The following LAMA2 variants were observed in gnomAD, a reference collection of about 807,000 sequenced individuals.
LAMA2 encodes the protein laminin subunit alpha-2.
In LAMA2, 269 loss-of-function variants were observed where a neutral mutation model predicts 364.8. The ratio of observed to expected loss-of-function variants is 0.74; its 90% confidence interval spans 0.67 to 0.82. The LOEUF is 0.82. LAMA2 is among the 40% of genes least tolerant of loss of function. The probability of loss-of-function intolerance (pLI) is 0.00; values close to 1 mark genes in which losing one functional copy is unlikely to be tolerated. For synonymous variants in LAMA2, 1,379 were observed against 1,370.6 expected (o/e 1.01, Z -0.14); for missense variants, 3,807 against 3,873.2 (o/e 0.98, Z 0.45).
chr6:129,195,109 T>G (rs956138283), intron 12 of LAMA2, among the ~76,000 whole-genome samples: 2 of 152,216 alleles, frequency 1.3e-5, no homozygotes, highest in Admixed American at 6.5e-5. Context: ...TTTAGTGTTA[T>G]TTCCTAATTG....
At chr6:128,951,510 G>T (rs1780820214) in intron 1 of LAMA2, among the ~76,000 whole-genome samples, 2 of 152,100 alleles carry the variant, frequency 1.3e-5, no homozygotes, top group South Asian at 2.1e-4. Context: ...GCATAAGAAA[G>T]GGGTCATTTT....
In LAMA2 at chr6:129,391,576, A is replaced by G. The variant is rs1779323485; in HGVS notation, c.5157A>G (p.Lys1719=). ...AFERNLEGLQ[K]EIDQMIKELR... ...AGAGAAATTTGGAAGGGCTTCAGAAAGAGATTGACCAGATGATTAAAGAAC... is the reference window on the plus strand; with the variant it reads ...AGAGAAATTTGGAAGGGCTTCAGAAGGAGATTGACCAGATGATTAAAGAAC... Residue 1719 remains lysine (K), a synonymous_variant, in exon 36 of 65, where the codon AAA becomes AAG. Transcript: ENST00000421865. 7 of 1,613,878 alleles carry G rather than the reference A, an allele frequency of 4.3e-6. No homozygotes were observed. Among genetic ancestry groups the G allele is most frequent in the Non-Finnish European group, 5.1e-6 (6 of 1,179,756 alleles).
chr6:128,944,967 A>G (rs1472296453), intron 1 of LAMA2, among the ~76,000 whole-genome samples: 1 of 152,132 alleles, frequency 6.6e-6, no homozygotes, highest in African/African-American at 2.4e-5. Flanking sequence ...TGGAGATTAC[A>G]TTTCAATACG....
In LAMA2 at chr6:129,252,054, C is replaced by A. The variant is rs748093487; in HGVS notation, c.1885-30C>A. The A allele has an allele frequency of 7.9e-6, 12 of 1,516,686 alleles. No homozygotes were observed. In the East Asian group the frequency reaches 2.5e-4, roughly 31 times the overall value. The allele number at this position is 1,516,686 out of a possible 1,614,324, so 94.0% of individuals were successfully genotyped here. A position where few individuals can be genotyped will look rare whatever the true frequency, so the allele number is the denominator to read the frequency against. On this transcript the variant is annotated intron_variant, in intron 13 of 64. Coordinates refer to ENST00000421865, the MANE Select transcript of LAMA2 (RefSeq NM_000426.4). ...TTTGTACCCTCTTTTCAGTTTTACT[C>A]TTTTTTATTTCTTTTTTTTCCCCCT...
rs1256970935 is a variant in LAMA2, at chr6:129,492,343, T to C, written c.8104T>C (p.Phe2702Leu). The C allele has an allele frequency of 2.5e-6, 4 of 1,614,182 alleles. No homozygotes were observed. In the South Asian group the frequency reaches 4.4e-5, roughly 18 times the overall value. ...CATGGACTTTGCAAGGCCTGTGTCC[T>C]TCAAAAATGCTGACATTGGTCGCTG... ...VPMDFARPVS[F>L]KNADIGRCAH... The change falls in exon 58 of 65, where the codon TTC becomes CTC. Residue 2702 changes from phenylalanine to leucine, a missense_variant. By Grantham distance (22) the Phe-to-Leu change is conservative. Coordinates refer to ENST00000421865, the MANE Select transcript of LAMA2 (RefSeq NM_000426.4).
chr6:129,247,709 G>A (rs1262520285), intron 12 of LAMA2, among the ~76,000 whole-genome samples: 3 of 152,138 alleles, frequency 2.0e-5, no homozygotes, highest in Admixed American at 1.3e-4. Context: ...AAAATACGTT[G>A]TAATAATGGC....
intron 31 of LAMA2, among the ~76,000 whole-genome samples, chr6:129,350,745 T>A (rs1776810195): frequency 6.6e-6 from 1 of 152,238 alleles, no homozygotes; most frequent in South Asian, 2.1e-4. Context: ...AAGAGTCTTG[T>A]TTTATATAAC....
intron 28 of LAMA2, among the ~76,000 whole-genome samples, chr6:129,326,776 T>A (rs1775330381): frequency 6.9e-6 from 1 of 145,094 alleles, no homozygotes; most frequent in South Asian, 2.1e-4. Context: ...ATATATAATT[T>A]ATATATTATA....
In LAMA2 at chr6:129,255,201, T is replaced by C. The variant is rs551841586; in HGVS notation, c.2096+2906T>C. On this transcript the variant is annotated intron_variant, in intron 14 of 64. Coordinates refer to ENST00000421865, the MANE Select transcript of LAMA2 (RefSeq NM_000426.4). ...GGCAGGCAGATCACGAGGTCAGTTG[T>C]TCGAGACCAGCCTGACCAACATGGT... Among the ~76,000 whole-genome samples the C allele has an allele frequency of 2.6e-5, 4 of 151,860 alleles. No individual in the cohort carries two copies. The East Asian group carries it at 7.8e-4, about 30-fold the overall frequency.
chr6:128,949,638 T>C (rs1163747580), intron 1 of LAMA2, among the ~76,000 whole-genome samples: 1 of 151,976 alleles, frequency 6.6e-6, no homozygotes, highest in Non-Finnish European at 1.5e-5. Flanking sequence ...GAGTGTGAAT[T>C]TAGATGGGAT....
chr6:129,210,115 C>A (rs977114604), intron 12 of LAMA2, among the ~76,000 whole-genome samples: 5 of 151,684 alleles, frequency 3.3e-5, no homozygotes, highest in African/African-American at 7.3e-5. Flanking sequence ...TGATTATTTA[C>A]CCATAAGAAT....
intron 14 of LAMA2, among the ~76,000 whole-genome samples, chr6:129,256,763 C>CATATATATATATATAT (rs199726173): frequency 1.3e-4 from 11 of 87,950 alleles, no homozygotes; most frequent in East Asian, 3.8e-4. Context: ...AATTATATAG[C>CATATATATATATATAT]ATATATATAT....
intron 15 of LAMA2, among the ~76,000 whole-genome samples, chr6:129,263,417 G>T (rs1218019714): frequency 6.6e-6 from 1 of 152,160 alleles, no homozygotes; most frequent in Non-Finnish European, 1.5e-5. Context: ...AGTCTACTTT[G>T]TAAAAGTTTG....
At chr6:129,302,736 GAATT>G (rs1703461719) in intron 22 of LAMA2, among the ~76,000 whole-genome samples, 2 of 151,880 alleles carry the variant, frequency 1.3e-5, no homozygotes, top group African/African-American at 4.8e-5. Context: ...TTTTCCCATT[GAATT>G]ACTTTGACTC....
chr6:129,242,809 T>G lies in LAMA2; in HGVS notation c.1783-7303T>G, dbSNP rs140554479. Among the ~76,000 whole-genome samples, 277 of 152,244 alleles carry G rather than the reference T, an allele frequency of 1.8e-3. 2 individuals are homozygous for G. Among genetic ancestry groups the G allele is most frequent in the African/African-American group, 6.5e-3 (272 of 41,578 alleles). ...TACCATTTACTCACATCTGTTGAGA[T>G]TGTACTATTTCAACTCAAGATTTGA... On this transcript the variant is annotated intron_variant, in intron 12 of 64. Transcript: ENST00000421865.
At position 129,473,239 on chromosome 6, in the gene LAMA2, T is replaced by C; in HGVS notation, c.7326T>C (p.Asp2442=). The change falls in exon 52 of 65, where the codon GAT becomes GAC. Residue 2442 remains aspartate (D), a synonymous_variant. Coordinates refer to ENST00000421865, the MANE Select transcript of LAMA2 (RefSeq NM_000426.4). ...KQANISIVDI[D]TNQEENIATS... is the part of the protein sequence containing the mutation. ...CCAATATATCAATTGTAGATATAGA[T>C]ACTAATCAGGAGGAGAATATAGCAA... 1 of 1,602,856 alleles carries C rather than the reference T, an allele frequency of 6.2e-7. No individual in the cohort carries two copies. Among genetic ancestry groups the C allele is most frequent in the South Asian group, 1.1e-5 (1 of 90,842 alleles).
At chr6:129,325,297 A>G (rs1048326714) in intron 28 of LAMA2, among the ~76,000 whole-genome samples, 1 of 152,202 alleles carries the variant, frequency 6.6e-6, no homozygotes, top group African/African-American at 2.4e-5. Flanking sequence ...AGAAATGGGT[A>G]AGAGGAGCTC....
rs527763635 is a variant in LAMA2, at chr6:128,910,466, G to C, written c.112+27109G>C. Among the ~76,000 whole-genome samples, 41 of 151,856 alleles carry C rather than the reference G, an allele frequency of 2.7e-4. 1 individual carries two copies. The highest frequency in any genetic ancestry group is 9.9e-4 in the African/African-American group (41 of 41,412). ...CTTCTGCATTCTTCACGTAGTTCTC[G>C]AGCCTTGGTTTTCAGCTCCATCAGC... On this transcript the variant is annotated intron_variant, in intron 1 of 64. Transcript: ENST00000421865.
intron 32 of LAMA2, among the ~76,000 whole-genome samples, chr6:129,364,973 T>G (rs777152609): frequency 1.3e-5 from 2 of 152,108 alleles, no homozygotes; most frequent in Non-Finnish European, 2.9e-5. Flanking sequence ...CCAGGTCTTA[T>G]GAGAACTCTG....
Sources: gnomAD v4.1 joint callset for allele counts (sites outside exome capture counted in the v4.1 genomes callset) on GRCh38, gnomAD v4.1.1 for gene constraint, MANE v1.5 for transcripts, NCBI Gene and HGNC (gene_info 2026-07-23, HGNC 2026-07-21) for gene names.